LRPPRC: variants seen among roughly 807,000 people sequenced by gnomAD.
LRPPRC encodes the protein leucine-rich PPR motif-containing protein, mitochondrial.
In LRPPRC, 120 loss-of-function variants were observed where a neutral mutation model predicts 180.3. That is an observed-to-expected ratio of 0.67 (90% CI 0.57 to 0.77). LRPPRC has a LOEUF of 0.77. Ranked by LOEUF, LRPPRC falls within the 30% of genes least tolerant of loss-of-function variation. LRPPRC has a pLI of 0.00. For missense variants in LRPPRC, 2,012 were observed against 1,657.2 expected (o/e 1.21, Z -3.72); for synonymous variants, 723 against 600.0 (o/e 1.21, Z -3.00).
intron 25 of LRPPRC, among the ~76,000 whole-genome samples, chr2:43,926,389 T>C (rs1671879308): frequency 6.6e-6 from 1 of 152,314 alleles, no homozygotes. Flanking sequence ...CATGTGCTCT[T>C]ATTTTTAATT....
rs570283507 is a variant in LRPPRC, at chr2:43,894,657, T to C, written c.3901-28A>G. 3.4e-4 allele frequency: 372 copies of C among 1,098,580 alleles called. 4 individuals carry two copies. The South Asian group carries it at 4.5e-3, about 13-fold the overall frequency. 68.1% of individuals were successfully genotyped at this position (1,098,580 alleles called of 1,614,324 possible). On this transcript the variant is annotated intron_variant, in intron 35 of 37. Coordinates refer to ENST00000260665, the MANE Select transcript of LRPPRC (RefSeq NM_133259.4). Reference sequence around the variant, plus strand: ...AGGAAATTACATAAAGGTAATATTATGAAAACCGCAAATTAACAGTGAATT... The same window carrying C: ...AGGAAATTACATAAAGGTAATATTACGAAAACCGCAAATTAACAGTGAATT...
At chr2:43,981,813 C>G (rs1674320332) in intron 2 of LRPPRC, among the ~76,000 whole-genome samples, 1 of 152,102 alleles carries the variant, frequency 6.6e-6, no homozygotes, top group African/African-American at 2.4e-5. Context: ...TGAGCTTACC[C>G]TCAAGTATTT....
intron 27 of LRPPRC, among the ~76,000 whole-genome samples, chr2:43,922,550 G>C (rs1245349079): frequency 6.6e-6 from 1 of 152,176 alleles, no homozygotes; most frequent in Non-Finnish European, 1.5e-5. Flanking sequence ...ACAAGGTCAG[G>C]AGTTCGAGAC....
At chr2:43,942,315 G>T (rs1247112453) in intron 23 of LRPPRC, among the ~76,000 whole-genome samples, 1 of 152,106 alleles carries the variant, frequency 6.6e-6, no homozygotes, top group Non-Finnish European at 1.5e-5. Flanking sequence ...CATGCAATTT[G>T]CAGAAATGGG....
chr2:43,959,139 A>C (rs1673235376), intron 13 of LRPPRC: 3 of 699,832 alleles, frequency 4.3e-6, no homozygotes, highest in East Asian at 2.7e-5. Flanking sequence ...TAAAAGGAAA[A>C]GGCAGCTCTC....
intron 23 of LRPPRC, among the ~76,000 whole-genome samples, chr2:43,938,822 C>G (rs1672365752): frequency 6.6e-6 from 1 of 152,188 alleles, no homozygotes; most frequent in Non-Finnish European, 1.5e-5. Flanking sequence ...TTCCTCAATA[C>G]ATATACCTGT....
At position 43,899,202 on chromosome 2, in the gene LRPPRC, G is replaced by A; in HGVS notation, c.3825+17C>T. ...CAAGCCTCGAGCCCCACTGCTCCAT[G>A]AGTGGAGGGTCATTACCTGTAGGAG... On this transcript the variant is annotated intron_variant, in intron 34 of 37. Coordinates refer to ENST00000260665, the MANE Select transcript of LRPPRC (RefSeq NM_133259.4). 6.4e-7 allele frequency: 1 copy of A among 1,557,814 alleles called. No homozygotes were observed. The highest frequency in any genetic ancestry group is 2.2e-5 in the East Asian group (1 of 44,610).
intron 30 of LRPPRC, among the ~76,000 whole-genome samples, chr2:43,909,065 G>A (rs956045112): frequency 6.6e-6 from 1 of 152,142 alleles, no homozygotes; most frequent in Non-Finnish European, 1.5e-5. Context: ...GGACCTAGTT[G>A]GCAATAAACA....
intron 31 of LRPPRC, among the ~76,000 whole-genome samples, chr2:43,905,101 T>C (rs1671025553): frequency 6.6e-6 from 1 of 152,210 alleles, no homozygotes; most frequent in Admixed American, 6.5e-5. Flanking sequence ...GTCATTCTCT[T>C]AACATTAATT....
intron 31 of LRPPRC, 170 bp from the exon 32 acceptor site, chr2:43,901,694 A>T: frequency 1.6e-6 from 1 of 613,722 alleles, no homozygotes; most frequent in South Asian, 2.0e-5. Flanking sequence ...TACCCCCAAA[A>T]ATTATTTACT....
In LRPPRC at chr2:43,973,777, A is replaced by G. The variant is rs372550881; in HGVS notation, c.1261+18T>C. The G allele has an allele frequency of 6.2e-7, 1 of 1,606,912 alleles. No individual in the cohort carries two copies. Among genetic ancestry groups the G allele is most frequent in the Non-Finnish European group, 8.5e-7 (1 of 1,173,588 alleles). On this transcript the variant is annotated intron_variant, in intron 10 of 37. Coordinates refer to ENST00000260665, the MANE Select transcript of LRPPRC (RefSeq NM_133259.4). ...AGCAAAACTTCCTTACTTGGCTTTA[A>G]CTTTAAGAATGTAGTACCAGTTTTA...
At chr2:43,944,988 C>G (rs1044032626) in intron 22 of LRPPRC, among the ~76,000 whole-genome samples, 1 of 152,074 alleles carries the variant, frequency 6.6e-6, no homozygotes, top group Non-Finnish European at 1.5e-5. Context: ...TTACGTTCAG[C>G]CTTCAGACCT....
At chr2:43,977,628 G>T (rs539214436) in intron 3 of LRPPRC, among the ~76,000 whole-genome samples, 1 of 152,240 alleles carries the variant, frequency 6.6e-6, no homozygotes, top group South Asian at 2.1e-4. Context: ...TCACATTACA[G>T]ACACACTGTG....
intron 23 of LRPPRC, among the ~76,000 whole-genome samples, chr2:43,941,759 A>G (rs1394255441): frequency 6.6e-6 from 1 of 151,492 alleles, no homozygotes; most frequent in African/African-American, 2.4e-5. Context: ...CATGACTCTG[A>G]AAGAGTCAAT....
chr2:43,995,823 G>T lies in LRPPRC; in HGVS notation c.125C>A (p.Ala42Asp). 7.1e-7 allele frequency: 1 copy of T among 1,414,690 alleles called. No individual in the cohort carries two copies. The highest frequency in any genetic ancestry group is 2.6e-4 in the Middle Eastern group (1 of 3,880). The allele number at this position is 1,414,690 out of a possible 1,614,324, so 87.6% of individuals were successfully genotyped here. A position where few individuals can be genotyped will look rare whatever the true frequency, so the allele number is the denominator to read the frequency against. ...CCCGGCCACGGGCCCGGCGCGAGCG[G>T]CGGGCAGATAGGAGGCGGCATGCAG... ...GRLHAASYLP[A>D]ARAGPVAGGL... Residue 42 changes from alanine to aspartate, a missense_variant, in exon 1 of 38, where the codon GCC becomes GAC. Physicochemically the swap from Ala to Asp is moderately radical, Grantham distance 126. Transcript: ENST00000260665.
In LRPPRC at chr2:43,977,364, TA is replaced by T. The variant is rs1337762594; in HGVS notation, c.470-89del. 6.9e-6 allele frequency: 7 copies of T among 1,021,514 alleles called. No individual in the cohort carries two copies. In the African/African-American group the frequency reaches 1.1e-4, roughly 16 times the overall value. 63.3% of individuals were successfully genotyped at this position (1,021,514 alleles called of 1,614,324 possible). A position where few individuals can be genotyped will look rare whatever the true frequency, so the allele number is the denominator to read the frequency against. ...ACCTAAATTTAACAAACAAAAAGAG[TA>T]AAACTATCACTTTAGCATTTCACCC... On this transcript the variant is annotated intron_variant, in intron 3 of 37. Coordinates refer to ENST00000260665, the MANE Select transcript of LRPPRC (RefSeq NM_133259.4).
chr2:43,949,667 G>A lies in LRPPRC; in HGVS notation c.1678-8C>T, dbSNP rs1272219672. 6.2e-7 allele frequency: 1 copy of A among 1,609,670 alleles called. No homozygotes were observed. The highest frequency in any genetic ancestry group is 8.5e-7 in the Non-Finnish European group (1 of 1,176,028). Reference sequence around the variant, plus strand: ...GTACAACAATTCTGTTATCTGGTAAGACAGAAAATTCGTGCATTGCAGCAA... The same window carrying A: ...GTACAACAATTCTGTTATCTGGTAAAACAGAAAATTCGTGCATTGCAGCAA... On this transcript the variant is annotated splice_polypyrimidine_tract_variant and splice_region_variant and intron_variant, in intron 15 of 37. Coordinates refer to ENST00000260665, the MANE Select transcript of LRPPRC (RefSeq NM_133259.4).
intron 11 of LRPPRC, among the ~76,000 whole-genome samples, chr2:43,970,369 A>G (rs1673750502): frequency 1.3e-5 from 2 of 152,206 alleles, no homozygotes; most frequent in African/African-American, 4.8e-5. Flanking sequence ...GAGAGCAGAC[A>G]AAGAAAGATA....
intron 23 of LRPPRC, among the ~76,000 whole-genome samples, chr2:43,937,645 T>A (rs1220482554): frequency 6.6e-6 from 1 of 152,210 alleles, no homozygotes; most frequent in Non-Finnish European, 1.5e-5. Context: ...GATACATTTC[T>A]AGAAGTGGTG....
Sources: allele counts gnomAD v4.1 joint callset (sites outside exome capture counted in the v4.1 genomes callset), GRCh38; gene constraint gnomAD v4.1.1; transcripts MANE v1.5; gene names NCBI Gene and HGNC (gene_info 2026-07-23, HGNC 2026-07-21).